Variants in UGT2B7 observed in about 807,000 individuals in gnomAD.
UGT2B7 encodes the protein UDP glucuronosyltransferase family 2 member B7.
Under a neutral mutation model 51.9 loss-of-function variants are expected in UGT2B7, and 51 were observed. The observed-to-expected ratio is 0.98, with a 90% CI of 0.78 to 1.24. The LOEUF (loss-of-function observed/expected upper bound fraction) is 1.24, where lower values mean the gene tolerates loss of function less well. Ranked by LOEUF, UGT2B7 falls within the 50% of genes most tolerant of loss-of-function variation. The pLI is 0.00. For missense variants in UGT2B7, 727 were observed against 628.4 expected (o/e 1.16, Z -1.68); for synonymous variants, 225 against 211.6 (o/e 1.06, Z -0.55).
In UGT2B7 at chr4:69,097,240, A is replaced by T. The variant is rs1395727405; in HGVS notation, c.720A>T (p.Leu240=). ...GGGATCAGTTTTATAGTGAAGTTCT[A>T]GGTAAGTATTTTTTTCAATCAGTAA... is the stretch of plus-strand genomic sequence containing the variant. ...KKWDQFYSEV[L]GRPTTLSETM... The change falls in exon 1 of 6, where the codon CTA becomes CTT. Residue 240 remains leucine (L), a splice_region_variant and synonymous_variant. Coordinates refer to ENST00000305231, the MANE Select transcript of UGT2B7 (RefSeq NM_001074.4). 1.2e-6 allele frequency: 2 copies of T among 1,601,476 alleles called. No homozygotes were observed. Among genetic ancestry groups the T allele is most frequent in the Admixed American group, 1.8e-5 (1 of 55,568 alleles).
chr4:69,087,657 G>A (rs1431033092), intron 1 of UGT2B7, among the ~76,000 whole-genome samples: 1 of 151,886 alleles, frequency 6.6e-6, no homozygotes, highest in Non-Finnish European at 1.5e-5. Context: ...TTTTGTTTCG[G>A]AAAATGTTAT....
intron 1 of UGT2B7, among the ~76,000 whole-genome samples, chr4:69,069,455 G>A (rs1158368555): frequency 6.6e-6 from 1 of 151,672 alleles, no homozygotes; most frequent in Non-Finnish European, 1.5e-5. Flanking sequence ...TTCACATCTT[G>A]AAATCTTATG....
intron 1 of UGT2B7, among the ~76,000 whole-genome samples, chr4:69,059,406 G>A (rs1718292446): frequency 6.6e-6 from 1 of 152,148 alleles, no homozygotes; most frequent in Admixed American, 6.5e-5. Flanking sequence ...AAAAACTGCA[G>A]GTACAGATTA....
At chr4:69,108,053 A>G (rs770621742) in intron 4 of UGT2B7, 50 bp from the exon 5 acceptor site, 6 of 1,584,064 alleles carry the variant, frequency 3.8e-6, no homozygotes, top group South Asian at 1.1e-5. Flanking sequence ...TTCATTGTGC[A>G]TCTCATTTTA....
upstream of UGT2B7, among the ~76,000 whole-genome samples, chr4:69,093,437 T>C (rs141752261): frequency 8.5e-5 from 13 of 152,288 alleles, no homozygotes; most frequent in African/African-American, 3.1e-4. Context: ...GTGGATCTTA[T>C]CCTGTGAGGT....
intron 1 of UGT2B7, among the ~76,000 whole-genome samples, chr4:69,071,785 T>G (rs1056119585): frequency 9.9e-5 from 15 of 152,036 alleles, no homozygotes; most frequent in African/African-American, 3.6e-4. Context: ...AATAGCCAAG[T>G]ACAAGAAAAA....
chr4:69,078,379 C>T (rs943410101), intron 1 of UGT2B7, among the ~76,000 whole-genome samples: 1 of 152,154 alleles, frequency 6.6e-6, no homozygotes, highest in Non-Finnish European at 1.5e-5. Flanking sequence ...ATGGTACCAT[C>T]TCCTCTTTGT....
At chr4:69,099,286 G>T (rs1719352287) in intron 2 of UGT2B7, among the ~76,000 whole-genome samples, 2 of 148,890 alleles carry the variant, frequency 1.3e-5, no homozygotes, top group African/African-American at 4.9e-5. Flanking sequence ...AAAGAAGCAG[G>T]TAAAGTGGTC....
At chr4:69,099,404 T>A (rs1719355587) in intron 2 of UGT2B7, among the ~76,000 whole-genome samples, 3 of 151,970 alleles carry the variant, frequency 2.0e-5, no homozygotes, top group Non-Finnish European at 4.4e-5. Context: ...GAAATATTTA[T>A]TAAGCACATT....
At chr4:69,084,296 G>A (rs34545777) in intron 1 of UGT2B7, among the ~76,000 whole-genome samples, 28,854 of 135,822 alleles carry the variant, frequency 0.21, 3,186 homozygotes, top group Admixed American at 0.31. Context: ...GTATTTTTGC[G>A]TCTATGTTCA....
rs762953836 is a variant in UGT2B7, at chr4:69,096,867, T to TG, written c.348dup (p.Ser117ValfsTer5). 1 of 1,613,532 alleles carries TG rather than the reference T, an allele frequency of 6.2e-7. No homozygotes were observed. The highest frequency in any genetic ancestry group is 8.5e-7 in the Non-Finnish European group (1 of 1,179,832). ...TATTTTTCACAAGTACAGGAAATCA[T>TG]GTCAATATTTGGTGACATAACTAGA... On this transcript the variant is annotated frameshift_variant, in exon 1 of 6. Transcript: ENST00000305231. LOFTEE classifies it high-confidence loss of function.
intron 1 of UGT2B7, among the ~76,000 whole-genome samples, chr4:69,082,103 A>C (rs144941600): frequency 7.4e-4 from 113 of 152,176 alleles, no homozygotes; most frequent in Non-Finnish European, 1.3e-3. Context: ...GCGGCATCAC[A>C]AATTATGCCC....
rs532056621 is a variant in UGT2B7 at position 69,097,236 on chromosome 4, T to A, written c.716T>A (p.Val239Asp). 14 of 1,603,374 alleles carry A rather than the reference T, an allele frequency of 8.7e-6. No individual in the cohort carries two copies. In the South Asian group the frequency reaches 1.6e-4, roughly 18 times the overall value. Residue 239 changes from valine to aspartate, a missense_variant, in exon 1 of 6, where the codon GTT becomes GAT. Val to Asp is a radical substitution (Grantham distance 152). Transcript: ENST00000305231. ...AAGTGGGATCAGTTTTATAGTGAAG[T>A]TCTAGGTAAGTATTTTTTTCAATCA... ...MKKWDQFYSE[V>D]LGRPTTLSET...
intron 1 of UGT2B7, among the ~76,000 whole-genome samples, chr4:69,064,112 A>AAGAGAAAGAAAG (rs754723956): frequency 2.3e-5 from 2 of 86,802 alleles, no homozygotes; most frequent in African/African-American, 1.2e-4. Context: ...GAAAGAAAGA[A>AAGAGAAAGAAAG]AAAGAAAGAA....
intron 1 of UGT2B7, among the ~76,000 whole-genome samples, chr4:69,077,930 C>A (rs1341001319): frequency 6.6e-6 from 1 of 151,988 alleles, no homozygotes; most frequent in Non-Finnish European, 1.5e-5. Flanking sequence ...ATAAGAAGCT[C>A]TTATTATTTT....
intron 1 of UGT2B7, among the ~76,000 whole-genome samples, chr4:69,084,979 A>T (rs987329571): frequency 6.6e-6 from 1 of 152,164 alleles, no homozygotes; most frequent in Admixed American, 6.6e-5. Flanking sequence ...CTTTGGGTAG[A>T]TGCCCAGTAA....
chr4:69,106,058 C>T (rs1719587408), intron 3 of UGT2B7, among the ~76,000 whole-genome samples: 2 of 151,978 alleles, frequency 1.3e-5, no homozygotes, highest in African/African-American at 4.8e-5. Flanking sequence ...AATTTTTATA[C>T]ATTTTTAGAA....
intron 1 of UGT2B7, among the ~76,000 whole-genome samples, chr4:69,053,988 T>G (rs1319058364): frequency 6.6e-6 from 1 of 152,170 alleles, no homozygotes; most frequent in African/African-American, 2.4e-5. Context: ...TCTATTTAGA[T>G]GCAATTAGAG....
At chr4:69,072,729 T>C (rs1251327932) in intron 1 of UGT2B7, among the ~76,000 whole-genome samples, 1 of 152,126 alleles carries the variant, frequency 6.6e-6, no homozygotes, top group East Asian at 1.9e-4. Context: ...CACTCCAGTG[T>C]TCTTTATTGA....
Sources: allele counts gnomAD v4.1 joint callset (sites outside exome capture counted in the v4.1 genomes callset), GRCh38; gene constraint gnomAD v4.1.1; transcripts MANE v1.5; gene names NCBI Gene and HGNC (gene_info 2026-07-23, HGNC 2026-07-21).